Variants in PKP2 observed in about 807,000 individuals in gnomAD.
PKP2 encodes the protein plakophilin 2, also known as plakophilin-2.
PKP2 carries 73 observed loss-of-function variants against 83.4 expected under a neutral mutation model. The observed-to-expected ratio is 0.88, with a 90% confidence interval of 0.72 to 1.06. The LOEUF is 1.06. Ranked by LOEUF, PKP2 falls within the 50% of genes least tolerant of loss-of-function variation. The probability of loss-of-function intolerance (pLI) is 0.00; values close to 1 mark genes in which losing one functional copy is unlikely to be tolerated. For missense variants in PKP2, 966 were observed against 1,065.4 expected (o/e 0.91, Z 1.30); for synonymous variants, 409 against 430.4 (o/e 0.95, Z 0.62).
At chr12:32,845,206 A>G (rs17543568) in intron 5 of PKP2, among the ~76,000 whole-genome samples, 2,809 of 152,294 alleles carry the variant, frequency 0.018, 40 homozygotes, top group Non-Finnish European at 0.027. Flanking sequence ...TGATGTTTGT[A>G]AAAAATAGCT....
chr12:32,821,804 G>A, intron 8 of PKP2: 1 of 405,284 alleles, frequency 2.5e-6, no homozygotes, highest in Non-Finnish European at 4.6e-6. Flanking sequence ...GGTCATTCTA[G>A]AATGGTTTTC....
At chr12:32,892,476 C>A (rs959911325) in intron 1 of PKP2, among the ~76,000 whole-genome samples, 4 of 151,942 alleles carry the variant, frequency 2.6e-5, no homozygotes, top group Non-Finnish European at 5.9e-5. Context: ...CCACACCTGG[C>A]TAATTTGTTT....
chr12:32,843,476 C>T (rs1592747762), intron 5 of PKP2, among the ~76,000 whole-genome samples: 1 of 152,164 alleles, frequency 6.6e-6, no homozygotes, highest in Non-Finnish European at 1.5e-5. Flanking sequence ...TATATTTGGT[C>T]CAACCAATTA....
In PKP2 at chr12:32,883,186, G is replaced by A. The variant is rs1957000770; in HGVS notation, c.224-4154C>T. Among the ~76,000 whole-genome samples, 3 of 152,302 alleles carry A rather than the reference G, an allele frequency of 2.0e-5. No homozygotes were observed. The Middle Eastern group carries it at 0.01, about 518-fold the overall frequency. On this transcript the variant is annotated intron_variant, in intron 1 of 12. Transcript: ENST00000340811. ...TTTTTAAATCACAGACACTCTCCCTGTGGAATACACATGAAAGATGTGACT... is the reference window on the plus strand; with the variant it reads ...TTTTTAAATCACAGACACTCTCCCTATGGAATACACATGAAAGATGTGACT...
intron 9 of PKP2, among the ~76,000 whole-genome samples, chr12:32,809,929 G>C (rs1293206083): frequency 6.6e-6 from 1 of 152,184 alleles, no homozygotes; most frequent in East Asian, 1.9e-4. Context: ...CGAGAACCTG[G>C]ATATTTCAGT....
chr12:32,828,564 T>C (rs960378629), intron 6 of PKP2, among the ~76,000 whole-genome samples: 4 of 152,240 alleles, frequency 2.6e-5, no homozygotes, highest in Non-Finnish European at 5.9e-5. Context: ...AATTTCATTC[T>C]GGGAAATTCT....
intron 5 of PKP2, among the ~76,000 whole-genome samples, chr12:32,848,847 A>G (rs905717100): frequency 1.3e-5 from 2 of 152,324 alleles, no homozygotes; most frequent in Non-Finnish European, 2.9e-5. Context: ...GCGAGTAGAG[A>G]TAACATAATG....
intron 11 of PKP2, among the ~76,000 whole-genome samples, chr12:32,794,027 C>T (rs1183461940): frequency 2.6e-5 from 4 of 152,114 alleles, no homozygotes; most frequent in African/African-American, 9.7e-5. Flanking sequence ...TTCTTTTTCC[C>T]CCCATATCAC....
Position 32,878,114 on chromosome 12 carries a change from A to G in PKP2, c.766T>C (p.Leu256=), listed in dbSNP as rs1175956469. ...GCCGTCAGGTAGTTCTCCTTCTCCA[A>G]GAGGTTGCCCATGCTGCGGCTGGTC... ...PGTSRSMGNL[L]EKENYLTAGL... Residue 256 remains leucine (L), a synonymous_variant, in exon 3 of 13, where the codon TTG becomes CTG. Coordinates refer to ENST00000340811, the MANE Select transcript of PKP2 (RefSeq NM_001005242.3). The G allele has an allele frequency of 6.2e-7, 1 of 1,614,214 alleles. No individual in the cohort carries two copies. Among genetic ancestry groups the G allele is most frequent in the Non-Finnish European group, 8.5e-7 (1 of 1,180,020 alleles).
chr12:32,802,578 A>G lies in PKP2; in HGVS notation c.2014-22T>C, dbSNP rs755640142. The stretch of plus-strand genomic sequence containing the variant: ...GCATCTGTTTTGTGAGACATATCCT[A>G]TAAGTGCTATTGTATTTGATTTCAC... On this transcript the variant is annotated intron_variant, in intron 9 of 12. Transcript: ENST00000340811. 1.2e-5 allele frequency: 20 copies of G among 1,608,146 alleles called. 1 individual carries two copies. The highest frequency in any genetic ancestry group is 1.2e-4 in the South Asian group (11 of 90,966).
intron 1 of PKP2, chr12:32,894,833 T>C (rs1240894125): frequency 1.3e-5 from 2 of 152,200 alleles, no homozygotes; most frequent in African/African-American, 4.8e-5. Flanking sequence ...AAGACTGGCC[T>C]CACTCATCCC....
chr12:32,816,072 T>A (rs962582923), intron 9 of PKP2, among the ~76,000 whole-genome samples: 4 of 152,196 alleles, frequency 2.6e-5, no homozygotes, highest in Non-Finnish European at 5.9e-5. Context: ...CAAATGTTTA[T>A]TGGCCTTTAA....
chr12:32,835,572 GA>G lies in PKP2; in HGVS notation c.1556+5455del, dbSNP rs1402689047. ...AAAGAAAAAGAGGAAAAAAAAGAAA[GA>G]AAAAAAAGCAAGAAGAAGAAAACAT... On this transcript the variant is annotated intron_variant, in intron 6 of 12. Transcript: ENST00000340811. 3.4e-4 allele frequency among the ~76,000 whole-genome samples: 51 copies of G among 151,394 alleles called. No homozygotes were observed. In the South Asian group the frequency reaches 8.1e-3, roughly 24 times the overall value.
chr12:32,806,784 T>C (rs925143756), intron 9 of PKP2, among the ~76,000 whole-genome samples: 3 of 152,070 alleles, frequency 2.0e-5, no homozygotes, highest in Non-Finnish European at 2.9e-5. Context: ...CTAGTTCTTT[T>C]AGTTGTGATG....
chr12:32,871,510 G>C (rs1458600134), intron 3 of PKP2, among the ~76,000 whole-genome samples: 2 of 151,854 alleles, frequency 1.3e-5, no homozygotes, highest in African/African-American at 4.8e-5. Context: ...CTGTCACCCA[G>C]GCTGGAGTGC....
chr12:32,845,489 T>C (rs554653047), intron 5 of PKP2, among the ~76,000 whole-genome samples: 27 of 152,122 alleles, frequency 1.8e-4, no homozygotes, highest in African/African-American at 5.8e-4. Context: ...GAGGCGGAGC[T>C]TGCAGTGAGC....
chr12:32,804,919 T>C (rs1476278661), intron 9 of PKP2, among the ~76,000 whole-genome samples: 1 of 152,232 alleles, frequency 6.6e-6, no homozygotes, highest in Non-Finnish European at 1.5e-5. Flanking sequence ...CTCCCACCAA[T>C]GGTGGAAAAG....
intron 10 of PKP2, among the ~76,000 whole-genome samples, chr12:32,798,696 G>A (rs1400972586): frequency 6.6e-6 from 1 of 152,082 alleles, no homozygotes; most frequent in Non-Finnish European, 1.5e-5. Context: ...AATGATGCTG[G>A]GATAATTGGC....
At chr12:32,886,102 G>A (rs1957027738) in intron 1 of PKP2, among the ~76,000 whole-genome samples, 1 of 152,178 alleles carries the variant, frequency 6.6e-6, no homozygotes, top group African/African-American at 2.4e-5. Flanking sequence ...TATTAGTATT[G>A]ATTTAAATGC....
Sources: allele counts gnomAD v4.1 joint callset (sites outside exome capture counted in the v4.1 genomes callset), GRCh38; gene constraint gnomAD v4.1.1; transcripts MANE v1.5; gene names NCBI Gene and HGNC (gene_info 2026-07-23, HGNC 2026-07-21).